Variants in IRAG1 observed in about 807,000 individuals in gnomAD.
The protein encoded by IRAG1 is IP3R-associated cGMP kinase substrate.
A neutral mutation model predicts 106.2 loss-of-function variants in IRAG1; 62 were observed. The ratio of observed to expected loss-of-function variants is 0.58; its 90% CI spans 0.48 to 0.72. The LOEUF (loss-of-function observed/expected upper bound fraction) is 0.72. IRAG1 is among the 30% of genes least tolerant of loss of function. The pLI, the probability that IRAG1 is intolerant of heterozygous loss-of-function variation, is 0.00. For missense variants in IRAG1, 1,064 were observed against 1,140.7 expected, an observed-to-expected ratio of 0.93 and a Z score of 0.97; for synonymous variants, 462 against 443.9, an observed-to-expected ratio of 1.04 and a Z score of -0.51.
chr11:10,622,333 G>C (rs1237396711), intron 10 of IRAG1, among the ~76,000 whole-genome samples: 2 of 152,080 alleles, frequency 1.3e-5, no homozygotes, highest in African/African-American at 4.8e-5. Context: ...AGGGTGAGTG[G>C]CCACAGAGAA....
Position 10,628,819 on chromosome 11 carries a change from G to A in IRAG1, c.584C>T (p.Pro195Leu), listed in dbSNP as rs540790831. The part of the protein sequence containing the change: ...SPGDSPSAVS[P>L]NLSPSASPTS... ...AGGAGAAGCGCTGGGGCTGAGGTTC[G>A]GGGAAACAGCTGTGAAGACAGACAC... Residue 195 changes from proline to leucine, a missense_variant, in exon 6 of 21, where the codon CCG (proline) becomes CTG (leucine). Coordinates refer to ENST00000423302, the MANE Select transcript of IRAG1 (RefSeq NM_130385.4). This position sits in a 1 kb window ranked among gnomAD's most constrained non-coding sequence, Gnocchi z 4.1. The A allele has an allele frequency of 2.7e-5, 42 of 1,580,290 alleles. No individual in the cohort carries two copies. In the Middle Eastern group the frequency reaches 6.7e-4, roughly 25 times the overall value.
chr11:10,689,368 A>T (rs759393409), intron 1 of IRAG1, among the ~76,000 whole-genome samples: 2 of 152,218 alleles, frequency 1.3e-5, no homozygotes, highest in African/African-American at 2.4e-5. Flanking sequence ...CCTCAAATAG[A>T]GGCTTTCTCT....
intron 1 of IRAG1, among the ~76,000 whole-genome samples, chr11:10,674,688 T>A (rs1318138056): frequency 6.6e-6 from 1 of 152,194 alleles, no homozygotes; most frequent in East Asian, 1.9e-4. Flanking sequence ...CCCTGTCTTG[T>A]GGCTTCTCTG....
chr11:10,670,552 T>C (rs911877588), intron 1 of IRAG1, among the ~76,000 whole-genome samples: 1 of 152,160 alleles, frequency 6.6e-6, no homozygotes, highest in Non-Finnish European at 1.5e-5. Flanking sequence ...AGAAATCAGA[T>C]CTCTCAAAGG....
chr11:10,605,989 T>C (rs1314588411), intron 12 of IRAG1, among the ~76,000 whole-genome samples: 1 of 152,248 alleles, frequency 6.6e-6, no homozygotes, highest in African/African-American at 2.4e-5. Flanking sequence ...TTTGTGCTGA[T>C]TCCTGCTCCA....
chr11:10,599,513 G>C (rs917380965), intron 15 of IRAG1, among the ~76,000 whole-genome samples: 2 of 152,222 alleles, frequency 1.3e-5, no homozygotes, highest in African/African-American at 4.8e-5. Flanking sequence ...CTTGCTGACA[G>C]ATCCAAAGCT....
intron 12 of IRAG1, among the ~76,000 whole-genome samples, 174 bp from the exon 13 acceptor site, chr11:10,604,719 G>A (rs1370609210): frequency 6.6e-6 from 1 of 152,196 alleles, no homozygotes; most frequent in Non-Finnish European, 1.5e-5. Flanking sequence ...CAAAAAAGAT[G>A]GTAAAGCAGG....
chr11:10,635,114 A>G (rs1857048133), intron 2 of IRAG1, among the ~76,000 whole-genome samples: 1 of 152,106 alleles, frequency 6.6e-6, no homozygotes, highest in Non-Finnish European at 1.5e-5. Context: ...TGGCCTGGGG[A>G]AAAGGTAGTG....
At position 10,690,472 on chromosome 11, in the gene IRAG1, G is replaced by A; in HGVS notation, c.67+3064C>T. ...GAAGGCAGGGCTTGTCCAGGGTCAT[G>A]GGCGTGAGTTACCTCTGCTAAGACT... On this transcript the variant is annotated intron_variant, in intron 1 of 20. Transcript: ENST00000423302. 8 of 1,245,970 alleles carry A rather than the reference G, an allele frequency of 6.4e-6. No individual in the cohort carries two copies. The South Asian group carries it at 6.9e-5, about 11-fold the overall frequency. The allele number at this position is 1,245,970 out of a possible 1,614,324, so 77.2% of individuals were successfully genotyped here. A position where few individuals can be genotyped will look rare whatever the true frequency, so the allele number is the denominator to read the frequency against.
chr11:10,600,220 C>T (rs754891917), intron 15 of IRAG1, among the ~76,000 whole-genome samples: 1 of 152,120 alleles, frequency 6.6e-6, no homozygotes, highest in Non-Finnish European at 1.5e-5. Context: ...TCAGGTGGGC[C>T]CTCCCCCGTG....
chr11:10,653,754 C>G (rs866911637), intron 1 of IRAG1, among the ~76,000 whole-genome samples: 8 of 152,134 alleles, frequency 5.3e-5, no homozygotes, highest in African/African-American at 1.9e-4. Context: ...CAGAGGCCAC[C>G]TGCACGGGGG....
intron 2 of IRAG1, among the ~76,000 whole-genome samples, chr11:10,651,095 A>G (rs147994201): frequency 5.3e-5 from 8 of 152,356 alleles, no homozygotes; most frequent in Admixed American, 3.3e-4. Flanking sequence ...ACAGGACAAT[A>G]CCATTTCAAT....
chr11:10,603,484 A>T (rs1312378288), intron 13 of IRAG1, among the ~76,000 whole-genome samples: 1 of 152,154 alleles, frequency 6.6e-6, no homozygotes, highest in Non-Finnish European at 1.5e-5. Context: ...TCGTGACCCT[A>T]TGGGAATCGA....
At chr11:10,579,283 G>T (rs1851150764) in intron 20 of IRAG1, among the ~76,000 whole-genome samples, 1 of 152,078 alleles carries the variant, frequency 6.6e-6, no homozygotes, top group Admixed American at 6.5e-5. Flanking sequence ...TATCCATTTT[G>T]CTTCTAATCT....
At chr11:10,577,531 TA>T (rs2134048449) in intron 20 of IRAG1, among the ~76,000 whole-genome samples, 1 of 152,240 alleles carries the variant, frequency 6.6e-6, no homozygotes, top group African/African-American at 2.4e-5. Context: ...TAACCCAATT[TA>T]AAAAATAATA....
intron 12 of IRAG1, among the ~76,000 whole-genome samples, chr11:10,605,066 C>T (rs554726582): frequency 2.0e-5 from 3 of 152,280 alleles, no homozygotes; most frequent in African/African-American, 7.2e-5. Context: ...TAAGTAGCTG[C>T]CAGGAGATTA....
intron 10 of IRAG1, 79 bp downstream of exon 10, chr11:10,623,699 G>GT: frequency 7.5e-7 from 1 of 1,326,066 alleles, no homozygotes; most frequent in Non-Finnish European, 1.1e-6. Flanking sequence ...GAAGTCTTGT[G>GT]TTTACACATT....
At chr11:10,588,021 C>G (rs1166428402) in intron 18 of IRAG1, among the ~76,000 whole-genome samples, 1 of 152,180 alleles carries the variant, frequency 6.6e-6, no homozygotes, top group Non-Finnish European at 1.5e-5. Context: ...ATTATTAATA[C>G]AAAGCAATTA....
intron 13 of IRAG1, among the ~76,000 whole-genome samples, chr11:10,603,996 A>G (rs964667868): frequency 1.3e-5 from 2 of 152,146 alleles, no homozygotes; most frequent in Non-Finnish European, 2.9e-5. Flanking sequence ...TGACTAAGAC[A>G]CACACCAAGC....
Sources: gnomAD v4.1 joint callset for allele counts (sites outside exome capture counted in the v4.1 genomes callset) on GRCh38, gnomAD v4.1.1 for gene constraint, Gnocchi (gnomAD v3.1) non-coding constraint, MANE v1.5 for transcripts, NCBI Gene and HGNC (gene_info 2026-07-23, HGNC 2026-07-21) for gene names.